CDH13: variants seen among roughly 807,000 people sequenced by gnomAD.
CDH13 encodes cadherin 13.
CDH13 carries 24 observed loss-of-function variants against 63.8 expected under a neutral mutation model. The ratio of observed to expected loss-of-function variants is 0.38; its 90% confidence interval spans 0.27 to 0.53. The LOEUF is 0.53. Ranked by LOEUF, CDH13 falls within the 20% of genes least tolerant of loss-of-function variation. The probability of loss-of-function intolerance (pLI) is 0.85; values close to 1 mark genes in which losing one functional copy is unlikely to be tolerated. For missense variants in CDH13, 1,049 were observed against 903.1 expected, an observed-to-expected ratio of 1.16 and a Z score of -2.07; for synonymous variants, 503 against 355.3, an observed-to-expected ratio of 1.42 and a Z score of -4.67.
intron 6 of CDH13, among the ~76,000 whole-genome samples, chr16:83,441,467 G>A (rs2072478204): frequency 1.3e-5 from 2 of 152,116 alleles, no homozygotes; most frequent in South Asian, 2.1e-4. Context: ...GTAGAATTAG[G>A]GATGGTTTTA....
intron 4 of CDH13, among the ~76,000 whole-genome samples, chr16:83,142,971 C>T (rs553069294): frequency 6.6e-6 from 1 of 152,292 alleles, no homozygotes; most frequent in South Asian, 2.1e-4. Context: ...GGTGTGATGG[C>T]ACATGCCTGT....
intron 4 of CDH13, among the ~76,000 whole-genome samples, chr16:83,139,632 C>G (rs2036445100): frequency 6.6e-6 from 1 of 151,976 alleles, no homozygotes; most frequent in Admixed American, 6.6e-5. Flanking sequence ...TTGCAAATCA[C>G]TTTTTTTTCT....
intron 6 of CDH13, among the ~76,000 whole-genome samples, chr16:83,483,730 G>A (rs541251644): frequency 2.0e-5 from 3 of 152,060 alleles, no homozygotes; most frequent in Non-Finnish European, 4.4e-5. Flanking sequence ...CATGTCCCTG[G>A]GTAAGATCGC....
At chr16:83,051,599 T>TG (rs2030343311) in intron 3 of CDH13, among the ~76,000 whole-genome samples, 1 of 152,212 alleles carries the variant, frequency 6.6e-6, no homozygotes, top group Non-Finnish European at 1.5e-5. Flanking sequence ...TGATTGCATG[T>TG]GGGTGGCTCT....
intron 2 of CDH13, chr16:82,884,514 A>G: frequency 4.4e-6 from 1 of 227,650 alleles, no homozygotes; most frequent in Non-Finnish European, 9.0e-6. Flanking sequence ...AAGCCAGGGG[A>G]CACAGGAGGG....
chr16:82,998,280 A>C (rs1032606057), intron 2 of CDH13, among the ~76,000 whole-genome samples: 1 of 152,228 alleles, frequency 6.6e-6, no homozygotes, highest in Non-Finnish European at 1.5e-5. Flanking sequence ...TGTCTTATGT[A>C]ATTTTAAAAA....
chr16:82,938,747 C>T (rs140776729), intron 2 of CDH13, among the ~76,000 whole-genome samples: 8 of 152,134 alleles, frequency 5.3e-5, no homozygotes, highest in African/African-American at 1.2e-4. Flanking sequence ...ACGTAGGGTG[C>T]AGTATTAAGC....
At chr16:83,473,425 G>A (rs17685517) in intron 6 of CDH13, among the ~76,000 whole-genome samples, 26,118 of 152,154 alleles carry the variant, frequency 0.17, 2,380 homozygotes, top group Middle Eastern at 0.27. Flanking sequence ...TCACTATCCT[G>A]GCTCATTTGT....
chr16:82,828,223 G>A (rs916265611), intron 1 of CDH13, among the ~76,000 whole-genome samples: 2 of 152,210 alleles, frequency 1.3e-5, no homozygotes, highest in East Asian at 1.9e-4. Context: ...TTGGGCCGCA[G>A]CATTGCCTCT....
chr16:83,667,025 GGATGGGTGGA>G (rs1914033843), intron 8 of CDH13, among the ~76,000 whole-genome samples: 1 of 47,430 alleles, frequency 2.1e-5, no homozygotes, highest in Admixed American at 2.7e-4. Context: ...ATGGATGGAT[GGATGGGTGGA>G]TGGATGAATG....
intron 1 of CDH13, among the ~76,000 whole-genome samples, chr16:82,854,382 C>T (rs1411727168): frequency 9.2e-6 from 1 of 109,286 alleles, no homozygotes; most frequent in East Asian, 2.7e-4. Context: ...ACCTGGGTGA[C>T]AGAGCAAGGC....
chr16:83,341,989 C>CCACACACACACACACACACA (rs756844839), intron 5 of CDH13, among the ~76,000 whole-genome samples: 19 of 138,146 alleles, frequency 1.4e-4, no homozygotes, highest in South Asian at 7.3e-4. Flanking sequence ...GTGTCCCCTG[C>CCACACACACACACACACACA]CACACACACA....
chr16:82,976,854 G>T (rs1378908210), intron 2 of CDH13, among the ~76,000 whole-genome samples: 1 of 152,128 alleles, frequency 6.6e-6, no homozygotes, highest in African/African-American at 2.4e-5. Flanking sequence ...TGTTGCTCAG[G>T]CCGGGCTGCA....
chr16:83,279,034 G>C (rs1469184548), intron 5 of CDH13, among the ~76,000 whole-genome samples: 1 of 151,308 alleles, frequency 6.6e-6, no homozygotes, highest in African/African-American at 2.4e-5. Flanking sequence ...TATTGTAATG[G>C]GTGCTCTTTT....
chr16:83,057,990 A>G (rs7202733), intron 3 of CDH13, among the ~76,000 whole-genome samples: 1,571 of 152,342 alleles, frequency 0.01, 34 homozygotes, highest in African/African-American at 0.034. Flanking sequence ...AAAATAAAAC[A>G]AAGATAATCA....
At chr16:83,048,793 C>G (rs948473059) in intron 3 of CDH13, among the ~76,000 whole-genome samples, 1 of 152,132 alleles carries the variant, frequency 6.6e-6, no homozygotes, top group Non-Finnish European at 1.5e-5. Flanking sequence ...TTTCCCTCCT[C>G]TGTGAATCCT....
chr16:83,001,011 T>C (rs527264110), intron 2 of CDH13, among the ~76,000 whole-genome samples: 1 of 152,334 alleles, frequency 6.6e-6, no homozygotes, highest in African/African-American at 2.4e-5. Flanking sequence ...TTACTACCAT[T>C]CAGATGTATC....
intron 5 of CDH13, among the ~76,000 whole-genome samples, chr16:83,333,626 C>T (rs1268927315): frequency 1.3e-5 from 2 of 152,148 alleles, no homozygotes; most frequent in Non-Finnish European, 2.9e-5. Flanking sequence ...CTGGGAATTT[C>T]TGTGTACACA....
chr16:82,742,909 C>T (rs912807397), intron 1 of CDH13, among the ~76,000 whole-genome samples: 2 of 152,080 alleles, frequency 1.3e-5, no homozygotes, highest in Admixed American at 6.6e-5. Flanking sequence ...AATTCCAGCA[C>T]ATGCTGAAGG....
Sources: gnomAD v4.1 joint callset for allele counts (sites outside exome capture counted in the v4.1 genomes callset) on GRCh38, gnomAD v4.1.1 for gene constraint, MANE v1.5 for transcripts, NCBI Gene and HGNC (gene_info 2026-07-23, HGNC 2026-07-21) for gene names.